Variants in KLHL1 observed in about 807,000 individuals in gnomAD.
The protein encoded by KLHL1 is kelch-like protein 1.
Under a neutral mutation model 77.7 loss-of-function variants are expected in KLHL1, and 47 were observed. The ratio of observed to expected loss-of-function variants is 0.60; its 90% CI spans 0.48 to 0.77. The LOEUF (loss-of-function observed/expected upper bound fraction) is 0.77. Ranked by LOEUF, KLHL1 falls within the 30% of genes least tolerant of loss-of-function variation. The probability of loss-of-function intolerance (pLI) is 0.00; values close to 1 mark genes in which losing one functional copy is unlikely to be tolerated. For synonymous variants in KLHL1, 360 were observed against 325.2 expected (o/e 1.11, Z -1.15); for missense variants, 925 against 910.8 (o/e 1.02, Z -0.20).
rs775583442 is a variant in KLHL1 at position 69,975,707 on chromosome 13, G to A, written c.593C>T (p.Thr198Ile). Reference sequence around the variant, plus strand: ...CAAATAACTTTCCATCTTTCTGAAGGTTTGCTCAGCATGATGAACAGCTTG... The same window carrying A: ...CAAATAACTTTCCATCTTTCTGAAGATTTGCTCAGCATGATGAACAGCTTG... The part of the protein sequence containing the change: ...FYQAVHHAEQ[T>I]FRKMESYLKQ... The change falls in exon 2 of 11, where the codon ACC (threonine) becomes ATC (isoleucine). Residue 198 changes from threonine to isoleucine, a missense_variant. By Grantham distance (89) the Thr-to-Ile change is moderately conservative (BLOSUM62 -1). Transcript: ENST00000377844. The A allele has an allele frequency of 2.7e-5, 43 of 1,613,402 alleles. No individual in the cohort carries two copies. Among genetic ancestry groups the A allele is most frequent in the Non-Finnish European group, 3.6e-5 (42 of 1,179,768 alleles).
chr13:70,021,301 T>C (rs2049889), intron 1 of KLHL1, among the ~76,000 whole-genome samples: 129,261 of 152,064 alleles, frequency 0.85, 55,294 homozygotes, highest in East Asian at 0.92. Context: ...CTCACTAATA[T>C]GCATTAAAGT....
chr13:70,063,758 T>A (rs761776333), intron 1 of KLHL1, among the ~76,000 whole-genome samples: 12 of 152,104 alleles, frequency 7.9e-5, no homozygotes, highest in Non-Finnish European at 1.3e-4. Flanking sequence ...ACTTCATTGG[T>A]GATAATACAT....
intron 6 of KLHL1, among the ~76,000 whole-genome samples, chr13:69,811,015 G>T (rs1326529510): frequency 6.6e-6 from 1 of 150,668 alleles, no homozygotes; most frequent in Non-Finnish European, 1.5e-5. Context: ...ATACCAGATG[G>T]ATTCACAGCA....
chr13:69,789,582 T>C (rs76892219), intron 7 of KLHL1, among the ~76,000 whole-genome samples: 330 of 152,296 alleles, frequency 2.2e-3, no homozygotes, highest in African/African-American at 7.0e-3. Flanking sequence ...TGTGAGAATT[T>C]AATCAGTTAA....
At chr13:69,911,325 A>C (rs938658028) in intron 4 of KLHL1, among the ~76,000 whole-genome samples, 3 of 152,076 alleles carry the variant, frequency 2.0e-5, no homozygotes, top group Non-Finnish European at 2.9e-5. Context: ...AAAAAGCATC[A>C]AACTCACTTT....
At chr13:69,748,523 T>C (rs536310744) in intron 7 of KLHL1, among the ~76,000 whole-genome samples, 12 of 151,940 alleles carry the variant, frequency 7.9e-5, no homozygotes, top group Non-Finnish European at 1.3e-4. Context: ...TCCCCCTGGG[T>C]CCCTCCCATA....
chr13:70,035,414 A>C (rs1886214737), intron 1 of KLHL1, among the ~76,000 whole-genome samples: 1 of 152,152 alleles, frequency 6.6e-6, no homozygotes, highest in African/African-American at 2.4e-5. Flanking sequence ...AGAGAGTAGA[A>C]CAATGGTTTC....
intron 8 of KLHL1, among the ~76,000 whole-genome samples, chr13:69,736,102 C>T (rs998302672): frequency 1.1e-4 from 16 of 152,112 alleles, no homozygotes; most frequent in South Asian, 2.1e-4. Context: ...AAACAGACAA[C>T]GCACAGAGCG....
At chr13:69,759,378 G>A (rs1874911972) in intron 7 of KLHL1, among the ~76,000 whole-genome samples, 1 of 152,150 alleles carries the variant, frequency 6.6e-6, no homozygotes, top group Non-Finnish European at 1.5e-5. Context: ...CTAAGAACAT[G>A]TAGCAGAGAC....
chr13:69,769,171 G>T (rs1033053468), intron 7 of KLHL1, among the ~76,000 whole-genome samples: 1 of 152,168 alleles, frequency 6.6e-6, no homozygotes, highest in African/African-American at 2.4e-5. Context: ...GAAGACTTTA[G>T]CAAGGAAATG....
intron 1 of KLHL1, among the ~76,000 whole-genome samples, chr13:69,990,454 C>T (rs1006170005): frequency 6.6e-6 from 1 of 151,776 alleles, no homozygotes. Flanking sequence ...TGCATAATCT[C>T]AAAATAAAGG....
At chr13:69,835,095 G>T (rs1004639477) in intron 6 of KLHL1, among the ~76,000 whole-genome samples, 3 of 152,070 alleles carry the variant, frequency 2.0e-5, no homozygotes, top group Non-Finnish European at 4.4e-5. Flanking sequence ...TATCCAAAAT[G>T]TTTGAAAAAT....
At chr13:69,872,920 G>A (rs1880637906) in intron 5 of KLHL1, among the ~76,000 whole-genome samples, 2 of 151,952 alleles carry the variant, frequency 1.3e-5, no homozygotes, top group Admixed American at 1.3e-4. Flanking sequence ...CCAACACTGG[G>A]GATTAAATTT....
At chr13:70,087,343 G>A (rs190437746) in intron 1 of KLHL1, among the ~76,000 whole-genome samples, 46 of 152,158 alleles carry the variant, frequency 3.0e-4, no homozygotes, top group Non-Finnish European at 6.0e-4. Context: ...ACCACATAAT[G>A]GGTAAAAATA....
intron 4 of KLHL1, among the ~76,000 whole-genome samples, chr13:69,922,756 T>C (rs562162196): frequency 5.3e-5 from 8 of 152,204 alleles, no homozygotes; most frequent in African/African-American, 1.9e-4. Flanking sequence ...ACTATTCTCA[T>C]AGGAGAGTTT....
At chr13:70,029,384 G>T (rs148396752) in intron 1 of KLHL1, among the ~76,000 whole-genome samples, 1 of 152,284 alleles carries the variant, frequency 6.6e-6, no homozygotes, top group African/African-American at 2.4e-5. Context: ...ACTTGATGAA[G>T]GTGAAGCCTG....
chr13:69,951,629 T>C (rs1883714753), intron 3 of KLHL1, among the ~76,000 whole-genome samples: 1 of 151,518 alleles, frequency 6.6e-6, no homozygotes, highest in South Asian at 2.1e-4. Context: ...ACTTCCTCTT[T>C]ATTCTTGAGG....
chr13:70,046,096 A>G (rs1317429017), intron 1 of KLHL1, among the ~76,000 whole-genome samples: 1 of 152,196 alleles, frequency 6.6e-6, no homozygotes, highest in Admixed American at 6.5e-5. Context: ...TTGGCTATGG[A>G]AAATTTTAAG....
chr13:69,766,379 A>G (rs1429298469), intron 7 of KLHL1, among the ~76,000 whole-genome samples: 1 of 151,838 alleles, frequency 6.6e-6, no homozygotes, highest in Non-Finnish European at 1.5e-5. Flanking sequence ...CTCTCTCTGT[A>G]TGTGCATATA....
Sources: gnomAD v4.1 joint callset for allele counts (sites outside exome capture counted in the v4.1 genomes callset) on GRCh38, gnomAD v4.1.1 for gene constraint, MANE v1.5 for transcripts, NCBI Gene and HGNC (gene_info 2026-07-23, HGNC 2026-07-21) for gene names.